CCDC33: variants seen among roughly 807,000 people sequenced by gnomAD.
The protein encoded by CCDC33 is coiled-coil domain containing 33, also known as coiled-coil domain-containing protein 33.
In CCDC33, 94 loss-of-function variants were observed where a neutral mutation model predicts 91.9. The ratio of observed to expected loss-of-function variants is 1.02; its 90% CI spans 0.87 to 1.21. CCDC33 has a LOEUF of 1.21. CCDC33 is among the 50% of genes most tolerant of loss of function. The pLI is 0.00. For synonymous variants in CCDC33, 396 were observed against 374.5 expected, an observed-to-expected ratio of 1.06 and a Z score of -0.66; for missense variants, 940 against 935.5, an observed-to-expected ratio of 1.00 and a Z score of -0.06.
In CCDC33 at chr15:74,267,029, C is replaced by T. The variant is rs1277558700; in HGVS notation, c.429+242C>T. Reference sequence around the variant, plus strand: ...GCTGATTATTATAGGACAACTGCCACATTAAATGAATATACCAATTAAAGA... The same window carrying T: ...GCTGATTATTATAGGACAACTGCCATATTAAATGAATATACCAATTAAAGA... On this transcript the variant is annotated intron_variant, in intron 4 of 18. Transcript: ENST00000398814. Among the ~76,000 whole-genome samples the T allele has an allele frequency of 2.6e-5, 4 of 152,170 alleles. 1 individual carries two copies. Among genetic ancestry groups the T allele is most frequent in the African/African-American group, 4.8e-5 (2 of 41,426 alleles).
chr15:74,326,580 C>T (rs1222060340), intron 11 of CCDC33, among the ~76,000 whole-genome samples: 2 of 152,232 alleles, frequency 1.3e-5, no homozygotes, highest in Non-Finnish European at 2.9e-5. Flanking sequence ...GCAATTCAAA[C>T]CCAAGGACAC....
chr15:74,257,527 T>C (rs1030954287), intron 2 of CCDC33, among the ~76,000 whole-genome samples: 1 of 152,230 alleles, frequency 6.6e-6, no homozygotes, highest in Non-Finnish European at 1.5e-5. Flanking sequence ...CCCTCCTGCC[T>C]GCCTGGCTTC....
intron 2 of CCDC33, among the ~76,000 whole-genome samples, chr15:74,223,727 C>CACACACAT (rs2074683374): frequency 1.6e-5 from 1 of 61,578 alleles, no homozygotes; most frequent in African/African-American, 6.3e-5. Flanking sequence ...CCAGCATACA[C>CACACACAT]ACACACACAC....
At position 74,332,940 on chromosome 15, in the gene CCDC33, C is replaced by T. The variant is rs2060471883; in HGVS notation, c.1938+95C>T. 3 of 1,453,586 alleles carry T rather than the reference C, an allele frequency of 2.1e-6. No individual in the cohort carries two copies. The South Asian group carries it at 4.0e-5, about 19-fold the overall frequency. 90.0% of individuals were successfully genotyped at this position (1,453,586 alleles called of 1,614,324 possible). On this transcript the variant is annotated intron_variant, in intron 16 of 18. Coordinates refer to ENST00000398814, the MANE Select transcript of CCDC33 (RefSeq NM_025055.5). ...CCAAGTTGAAGATCAAGACCAGGAG[C>T]TAAGCTTCCCAGGGTCTCCAGTCTG... is the stretch of plus-strand genomic sequence containing the variant.
chr15:74,268,515 G>C, intron 5 of CCDC33, 57 bp downstream of exon 5: 1 of 1,323,914 alleles, frequency 7.6e-7, no homozygotes, highest in South Asian at 1.2e-5. Context: ...GCCAAGCTTT[G>C]AGCAGGCCCC....
intron 2 of CCDC33, among the ~76,000 whole-genome samples, chr15:74,251,869 AG>A (rs2075720769): frequency 6.6e-6 from 1 of 152,192 alleles, no homozygotes; most frequent in Non-Finnish European, 1.5e-5. Context: ...TCCTGGCAAG[AG>A]GGGGGATAAA....
At chr15:74,238,692 G>A (rs2075257475) in intron 1 of CCDC33, among the ~76,000 whole-genome samples, 1 of 151,980 alleles carries the variant, frequency 6.6e-6, no homozygotes, top group African/African-American at 2.4e-5. Flanking sequence ...TGACTTTTGT[G>A]TCATCTTTTG....
chr15:74,216,418 A>G (rs1194200311), upstream of CCDC33, among the ~76,000 whole-genome samples: 2 of 150,906 alleles, frequency 1.3e-5, no homozygotes, highest in Admixed American at 6.6e-5. Context: ...CTTACAAGTC[A>G]GGCGACTAGA....
rs2075166948 is a variant in CCDC33, at chr15:74,236,643, T to C, written c.-77T>C. 7.1e-7 allele frequency: 1 copy of C among 1,417,068 alleles called. No individual in the cohort carries two copies. The highest frequency in any genetic ancestry group is 9.9e-7 in the Non-Finnish European group (1 of 1,006,398). 87.8% of individuals were successfully genotyped at this position (1,417,068 alleles called of 1,614,324 possible). On this transcript the variant is annotated 5_prime_UTR_variant, in exon 1 of 19. Coordinates refer to ENST00000398814, the MANE Select transcript of CCDC33 (RefSeq NM_025055.5). ...AGGCCAGCTGTCTGGGCAGGACTGA[T>C]TCCTGATCACCCACTGATACCAAGT...
At chr15:74,226,292 T>A (rs2074794217) in intron 2 of CCDC33, among the ~76,000 whole-genome samples, 1 of 152,190 alleles carries the variant, frequency 6.6e-6, no homozygotes, top group Non-Finnish European at 1.5e-5. Flanking sequence ...GTTTAGAACC[T>A]CATTTCCCAG....
chr15:74,298,441 T>G (rs551393589), intron 11 of CCDC33, among the ~76,000 whole-genome samples: 1 of 152,330 alleles, frequency 6.6e-6, no homozygotes, highest in African/African-American at 2.4e-5. Flanking sequence ...AGGGCCAGTC[T>G]TGATTTTCTC....
At position 74,244,163 on chromosome 15, in the gene CCDC33, G is replaced by C; in HGVS notation, c.185+15G>C. The C allele has an allele frequency of 6.2e-7, 1 of 1,601,340 alleles. No individual in the cohort carries two copies. Among genetic ancestry groups the C allele is most frequent in the African/African-American group, 1.3e-5 (1 of 74,692 alleles). On this transcript the variant is annotated intron_variant, in intron 2 of 18. Transcript: ENST00000398814. This position sits in a 1 kb window ranked among gnomAD's most constrained non-coding sequence, Gnocchi z 4.2. ...TATGTGGTGGTGTAAGTAGCTGCGTGAGAGTGGGGGCAGGGGATGGGTTGG... is the reference window on the plus strand; with the variant it reads ...TATGTGGTGGTGTAAGTAGCTGCGTCAGAGTGGGGGCAGGGGATGGGTTGG...
At chr15:74,296,442 T>C (rs1205326086) in intron 11 of CCDC33, among the ~76,000 whole-genome samples, 2 of 151,948 alleles carry the variant, frequency 1.3e-5, no homozygotes, top group East Asian at 3.9e-4. Context: ...CTGACCTACA[T>C]GGAAAAACCC....
chr15:74,290,374 C>T (rs1410080944), intron 10 of CCDC33, among the ~76,000 whole-genome samples: 1 of 152,076 alleles, frequency 6.6e-6, no homozygotes, highest in South Asian at 2.1e-4. Flanking sequence ...GATGGGGTTT[C>T]ACCATGTTGG....
chr15:74,295,659 A>G (rs2059670928), intron 10 of CCDC33, 95 bp from the exon 11 acceptor site: 1 of 1,074,056 alleles, frequency 9.3e-7, no homozygotes. Flanking sequence ...CTGAGCCATG[A>G]GGAGGAGAGG....
intron 10 of CCDC33, among the ~76,000 whole-genome samples, chr15:74,293,597 G>A (rs1260711542): frequency 6.6e-6 from 1 of 152,192 alleles, no homozygotes; most frequent in African/African-American, 2.4e-5. Context: ...CTTCACGTCA[G>A]TGGGGAGCCT....
At chr15:74,223,304 AAC>A (rs1303161519) in intron 2 of CCDC33, among the ~76,000 whole-genome samples, 1 of 152,088 alleles carries the variant, frequency 6.6e-6, no homozygotes, top group African/African-American at 2.4e-5. Flanking sequence ...GGCTGCTACC[AAC>A]AAAGTGGTGG....
At chr15:74,261,400 A>G (rs1319149096) in intron 2 of CCDC33, among the ~76,000 whole-genome samples, 1 of 152,208 alleles carries the variant, frequency 6.6e-6, no homozygotes, top group African/African-American at 2.4e-5. Flanking sequence ...GGTATTGCTA[A>G]TGCACAGAGA....
At chr15:74,245,049 T>G (rs1399116438) in intron 2 of CCDC33, among the ~76,000 whole-genome samples, 2 of 152,082 alleles carry the variant, frequency 1.3e-5, no homozygotes, top group Non-Finnish European at 2.9e-5. Flanking sequence ...CTTCAAAGCC[T>G]CCTCCTCCAG....
Sources: allele counts gnomAD v4.1 joint callset (sites outside exome capture counted in the v4.1 genomes callset), GRCh38; gene constraint gnomAD v4.1.1; non-coding constraint Gnocchi (gnomAD v3.1); transcripts MANE v1.5; gene names NCBI Gene and HGNC (gene_info 2026-07-23, HGNC 2026-07-21).